Variants in PCDH7 observed in about 807,000 individuals in gnomAD.
PCDH7 encodes protocadherin 7, also known as protocadherin-7.
PCDH7 carries 17 observed loss-of-function variants against 58.9 expected under a neutral mutation model. The observed-to-expected ratio is 0.29, with a 90% confidence interval of 0.20 to 0.43. The LOEUF (loss-of-function observed/expected upper bound fraction) is 0.43, where lower values mean the gene tolerates loss of function less well. Ranked by LOEUF, PCDH7 falls within the 20% of genes least tolerant of loss-of-function variation. The pLI is 1.00. For missense variants in PCDH7, 1,274 were observed against 1,441.0 expected, an observed-to-expected ratio of 0.88 and a Z score of 1.88; for synonymous variants, 664 against 616.4, an observed-to-expected ratio of 1.08 and a Z score of -1.14.
At chr4:30,924,059 C>T (rs4235014) in intron 2 of PCDH7, among the ~76,000 whole-genome samples, 105,680 of 152,050 alleles carry the variant, frequency 0.7, 36,754 homozygotes, top group East Asian at 0.78. Context: ...ATTTTAATTA[C>T]GCAGTAGTCT....
chr4:30,958,113 T>C (rs1007603133), intron 3 of PCDH7, among the ~76,000 whole-genome samples: 3 of 151,880 alleles, frequency 2.0e-5, no homozygotes, highest in Admixed American at 6.6e-5. Context: ...TATATATACA[T>C]GGAAAGAATC....
intron 1 of PCDH7, among the ~76,000 whole-genome samples, chr4:30,794,678 T>C (rs2109301429): frequency 6.6e-6 from 1 of 152,264 alleles, no homozygotes; most frequent in South Asian, 2.1e-4. Context: ...CTCACTTTTT[T>C]TTTAGTAGGG....
intron 1 of PCDH7, among the ~76,000 whole-genome samples, chr4:30,865,996 A>C (rs895769756): frequency 1.3e-5 from 2 of 152,028 alleles, no homozygotes; most frequent in African/African-American, 2.4e-5. Context: ...TACACAAGTT[A>C]AGCTCCTTCT....
At chr4:30,771,008 G>C (rs555565195) in intron 1 of PCDH7, among the ~76,000 whole-genome samples, 5 of 152,268 alleles carry the variant, frequency 3.3e-5, no homozygotes, top group African/African-American at 1.2e-4. Context: ...GTGAACACTA[G>C]ATTAGGTCTT....
At chr4:31,092,380 A>G (rs530931544) in intron 3 of PCDH7, among the ~76,000 whole-genome samples, 14 of 151,990 alleles carry the variant, frequency 9.2e-5, no homozygotes, top group Non-Finnish European at 1.9e-4. Flanking sequence ...ATTCTAACCT[A>G]TCAGCAGCGA....
At chr4:31,096,902 A>T (rs1032098950) in intron 3 of PCDH7, among the ~76,000 whole-genome samples, 1 of 108,188 alleles carries the variant, frequency 9.2e-6, no homozygotes, top group Non-Finnish European at 1.7e-5. Context: ...ATACTAATAA[A>T]TTCCTTGTTT....
intron 3 of PCDH7, among the ~76,000 whole-genome samples, chr4:31,073,371 G>A (rs565255696): frequency 3.6e-4 from 55 of 152,238 alleles, no homozygotes; most frequent in African/African-American, 1.3e-3. Flanking sequence ...TGATATCTTA[G>A]ACCAAGTAGA....
chr4:30,722,343 C>A lies in PCDH7; in HGVS notation c.921C>A (p.Arg307=). 6.2e-7 allele frequency: 1 copy of A among 1,612,016 alleles called. No homozygotes were observed. The highest frequency in any genetic ancestry group is 1.3e-5 in the African/African-American group (1 of 75,066). ...CCGACGTGAACGACAACAGCCCCCGCTTCGAGAAGAGCGTGTACGAGGCCG... is the reference window on the plus strand; with the variant it reads ...CCGACGTGAACGACAACAGCCCCCGATTCGAGAAGAGCGTGTACGAGGCCG... The change falls in exon 1 of 2, where the codon CGC becomes CGA. Residue 307 remains arginine (R), a synonymous_variant. Transcript: ENST00000361762. This position sits in a 1 kb window ranked among gnomAD's most constrained non-coding sequence, Gnocchi z 7.6.
At chr4:31,019,190 C>CTA (rs1257189732) in intron 3 of PCDH7, among the ~76,000 whole-genome samples, 2 of 151,718 alleles carry the variant, frequency 1.3e-5, no homozygotes, top group Non-Finnish European at 2.9e-5. Context: ...AGATAAATGT[C>CTA]TATATATATG....
intron 1 of PCDH7, among the ~76,000 whole-genome samples, chr4:30,775,044 A>G (rs781062064): frequency 6.6e-6 from 1 of 152,094 alleles, no homozygotes; most frequent in South Asian, 2.1e-4. Context: ...GTCTAAGTCT[A>G]TTTCTGTCTA....
intron 1 of PCDH7, among the ~76,000 whole-genome samples, chr4:30,840,598 T>A (rs1731082467): frequency 6.6e-6 from 1 of 152,064 alleles, no homozygotes. Flanking sequence ...AGAAAAAAAA[T>A]GGATTTCTCC....
intron 1 of PCDH7, among the ~76,000 whole-genome samples, chr4:30,811,315 T>C (rs765889717): frequency 6.6e-6 from 1 of 152,174 alleles, no homozygotes; most frequent in Non-Finnish European, 1.5e-5. Flanking sequence ...TCTCTAGATA[T>C]ATAAAAGTAA....
intron 1 of PCDH7, among the ~76,000 whole-genome samples, chr4:30,780,821 A>C (rs2109288478): frequency 6.6e-6 from 1 of 152,280 alleles, no homozygotes; most frequent in African/African-American, 2.4e-5. Context: ...TCAGCTAAGT[A>C]GAGACAATAG....
exon 4 of PCDH7, chr4:31,142,648 G>A (rs1182147005): frequency 7.3e-7 from 1 of 1,367,598 alleles, no homozygotes; most frequent in African/African-American, 1.5e-5. Context: ...AGGAAAAGCT[G>A]GCCAATGGGG....
At chr4:30,773,599 C>T (rs897730804) in intron 1 of PCDH7, among the ~76,000 whole-genome samples, 1 of 151,982 alleles carries the variant, frequency 6.6e-6, no homozygotes, top group Non-Finnish European at 1.5e-5. Flanking sequence ...ATACAAGACT[C>T]TAGAAGTCAT....
At chr4:31,048,608 C>A (rs1356133862) in intron 3 of PCDH7, among the ~76,000 whole-genome samples, 1 of 151,956 alleles carries the variant, frequency 6.6e-6, no homozygotes, top group Non-Finnish European at 1.5e-5. Flanking sequence ...ATGGGATGCC[C>A]ACAAAAGTCC....
intron 3 of PCDH7, among the ~76,000 whole-genome samples, chr4:30,995,511 C>G (rs1426900121): frequency 7.0e-6 from 1 of 142,854 alleles, no homozygotes; most frequent in Admixed American, 7.0e-5. Context: ...GACTCCCTCC[C>G]AAAGGAAAAA....
intron 1 of PCDH7, among the ~76,000 whole-genome samples, chr4:30,750,706 A>G (rs1439666657): frequency 6.6e-6 from 1 of 152,168 alleles, no homozygotes; most frequent in Non-Finnish European, 1.5e-5. Context: ...TTACCAAGTT[A>G]CTGAGAACAT....
chr4:30,951,953 G>T (rs140641551), intron 3 of PCDH7, among the ~76,000 whole-genome samples: 1 of 152,162 alleles, frequency 6.6e-6, no homozygotes, highest in African/African-American at 2.4e-5. Context: ...CTCACTAAAT[G>T]TTGATTAAAT....
Sources: gnomAD v4.1 joint callset for allele counts (sites outside exome capture counted in the v4.1 genomes callset) on GRCh38, gnomAD v4.1.1 for gene constraint, Gnocchi (gnomAD v3.1) non-coding constraint, MANE v1.5 for transcripts, NCBI Gene and HGNC (gene_info 2026-07-23, HGNC 2026-07-21) for gene names.